Variants in FOXP1 observed in about 807,000 individuals in gnomAD.
FOXP1 encodes forkhead box protein P1.
Under a neutral mutation model 98.2 loss-of-function variants are expected in FOXP1, and 15 were observed. The ratio of observed to expected loss-of-function variants is 0.15; its 90% CI spans 0.10 to 0.24. FOXP1 has a LOEUF of 0.24. Among genes scored for constraint, FOXP1 ranks in the 10% least tolerant of loss-of-function variants. The pLI is 1.00. For synonymous variants in FOXP1, 371 were observed against 314.5 expected (o/e 1.18, Z -1.90); for missense variants, 633 against 848.5 (o/e 0.75, Z 3.15).
intron 7 of FOXP1, among the ~76,000 whole-genome samples, chr3:71,107,998 C>A (rs2057583697): frequency 6.6e-6 from 1 of 152,188 alleles, no homozygotes; most frequent in Non-Finnish European, 1.5e-5. Flanking sequence ...ACTTTCCCTG[C>A]AGTGAAATGG....
At chr3:71,488,430 G>A (rs2090824538) in intron 3 of FOXP1, among the ~76,000 whole-genome samples, 2 of 152,164 alleles carry the variant, frequency 1.3e-5, no homozygotes, top group South Asian at 4.1e-4. Context: ...GGGTGTGGAG[G>A]TTCTTTCATC....
At chr3:71,313,747 G>A (rs974982568) in intron 4 of FOXP1, among the ~76,000 whole-genome samples, 6 of 151,694 alleles carry the variant, frequency 4.0e-5, no homozygotes, top group Non-Finnish European at 8.8e-5. Flanking sequence ...GGATGGTCTC[G>A]ATCTCCTGAC....
At chr3:71,450,074 C>T (rs965867361) in intron 3 of FOXP1, among the ~76,000 whole-genome samples, 2 of 152,102 alleles carry the variant, frequency 1.3e-5, no homozygotes, top group Non-Finnish European at 2.9e-5. Flanking sequence ...CTCACAAAGC[C>T]TCATTTACAA....
chr3:71,392,736 C>T (rs948705306), intron 3 of FOXP1, among the ~76,000 whole-genome samples: 16 of 152,162 alleles, frequency 1.1e-4, no homozygotes, highest in African/African-American at 3.4e-4. Context: ...TGGCCTAGGT[C>T]GCAATCATTC....
At chr3:71,510,543 A>C (rs1278589853) in intron 2 of FOXP1, among the ~76,000 whole-genome samples, 1 of 152,074 alleles carries the variant, frequency 6.6e-6, no homozygotes, top group Non-Finnish European at 1.5e-5. Flanking sequence ...CAGGTACTTC[A>C]GAAAATGAAA....
chr3:71,378,703 TA>T (rs2079915107), intron 3 of FOXP1, among the ~76,000 whole-genome samples: 1 of 151,580 alleles, frequency 6.6e-6, no homozygotes, highest in African/African-American at 2.4e-5. Flanking sequence ...AAATTAAATA[TA>T]TATAATTGTT....
Position 70,959,970 on chromosome 3 carries a change from T to A in FOXP1, c.1890-579A>T, listed in dbSNP as rs144491946. Among the ~76,000 whole-genome samples the A allele has an allele frequency of 3.2e-4, 48 of 152,170 alleles. 1 individual carries two copies. The East Asian group carries it at 9.3e-3, about 29-fold the overall frequency. ...TTCAAATAATTACACGAAATAAGAA[T>A]CTGTAATGCAACGGCAGTTTGTGGG... is the stretch of plus-strand genomic sequence containing the variant. On this transcript the variant is annotated intron_variant, in intron 20 of 20. Transcript: ENST00000649528.
chr3:71,269,603 C>T (rs547336293), intron 5 of FOXP1, among the ~76,000 whole-genome samples: 1 of 152,244 alleles, frequency 6.6e-6, no homozygotes, highest in South Asian at 2.1e-4. Flanking sequence ...CGCCAAAGTG[C>T]AACATGTAAG....
chr3:71,492,988 A>T (rs575128323), intron 3 of FOXP1, among the ~76,000 whole-genome samples: 1 of 152,212 alleles, frequency 6.6e-6, no homozygotes, highest in Non-Finnish European at 1.5e-5. Context: ...TGGCTTTCTC[A>T]TAAGTCCTGA....
intron 3 of FOXP1, among the ~76,000 whole-genome samples, chr3:71,411,453 T>TAC (rs750666776): frequency 5.9e-5 from 9 of 152,118 alleles, no homozygotes; most frequent in Non-Finnish European, 1.2e-4. Flanking sequence ...TAGCTGGGAC[T>TAC]ACACACACAC....
At chr3:71,147,841 C>T (rs1045739007) in intron 6 of FOXP1, among the ~76,000 whole-genome samples, 11 of 152,060 alleles carry the variant, frequency 7.2e-5, no homozygotes, top group African/African-American at 2.7e-4. Context: ...AGTGGGAATG[C>T]ATTTTCAAAT....
At chr3:71,174,468 T>C (rs1484733917) in intron 6 of FOXP1, among the ~76,000 whole-genome samples, 1 of 152,052 alleles carries the variant, frequency 6.6e-6, no homozygotes, top group South Asian at 2.1e-4. Context: ...CAGACATACA[T>C]GTACATAGTA....
At chr3:71,335,626 G>A (rs534521123) in intron 4 of FOXP1, among the ~76,000 whole-genome samples, 51 of 152,260 alleles carry the variant, frequency 3.3e-4, no homozygotes, top group Middle Eastern at 3.4e-3. Context: ...CACTGTTAGC[G>A]CTAAGATAAT....
intron 14 of FOXP1, among the ~76,000 whole-genome samples, chr3:70,980,536 A>T (rs2038654105): frequency 6.6e-6 from 1 of 152,196 alleles, no homozygotes; most frequent in African/African-American, 2.4e-5. Context: ...ATTTGCCCAT[A>T]TTCCCAACCC....
chr3:71,130,425 C>G (rs1299900794), intron 6 of FOXP1: 1 of 1,471,696 alleles, frequency 6.8e-7, no homozygotes, highest in East Asian at 2.3e-5. Context: ...CAGAGAATGT[C>G]TGCACAAGAA....
rs1044727841 is a variant in FOXP1, at chr3:71,557,875, G to T, written c.-298+23674C>A. On this transcript the variant is annotated intron_variant, in intron 2 of 20. Coordinates refer to ENST00000649528, the MANE Select transcript of FOXP1 (RefSeq NM_001349338.3). ...TCTGTTGCCCAGGCTGGAGTACAGT[G>T]GTGTGGTCTCAGCTCACTGCAACCT... Among the ~76,000 whole-genome samples the T allele has an allele frequency of 3.3e-5, 5 of 152,188 alleles. 1 individual carries two copies. The East Asian group carries it at 9.6e-4, about 29-fold the overall frequency.
intron 4 of FOXP1, among the ~76,000 whole-genome samples, chr3:71,313,249 C>T (rs1490954544): frequency 1.3e-5 from 2 of 151,348 alleles, no homozygotes; most frequent in Admixed American, 6.6e-5. Context: ...TTAGTAGAGA[C>T]GGGGTTTCAC....
intron 4 of FOXP1, among the ~76,000 whole-genome samples, chr3:71,325,282 G>A (rs1458150093): frequency 3.3e-5 from 5 of 152,050 alleles, no homozygotes; most frequent in Non-Finnish European, 7.4e-5. Context: ...CGAACTCCTG[G>A]CCTCAGGTGA....
At chr3:71,179,919 A>G (rs1250543480) in intron 6 of FOXP1, among the ~76,000 whole-genome samples, 1 of 152,210 alleles carries the variant, frequency 6.6e-6, no homozygotes, top group Non-Finnish European at 1.5e-5. Context: ...CCAATTGAAA[A>G]CATCTGAATT....
Sources: allele counts gnomAD v4.1 joint callset (sites outside exome capture counted in the v4.1 genomes callset), GRCh38; gene constraint gnomAD v4.1.1; transcripts MANE v1.5; gene names NCBI Gene and HGNC (gene_info 2026-07-23, HGNC 2026-07-21).